SNW1: variants seen among roughly 807,000 people sequenced by gnomAD.
The protein encoded by SNW1 is SNW domain-containing protein 1.
Under a neutral mutation model 75.6 loss-of-function variants are expected in SNW1, and 9 were observed. The ratio of observed to expected loss-of-function variants is 0.12; its 90% confidence interval spans 0.07 to 0.21. The LOEUF (loss-of-function observed/expected upper bound fraction) is 0.21. Among genes scored for constraint, SNW1 ranks in the 10% least tolerant of loss-of-function variants. SNW1 has a pLI of 1.00. For synonymous variants in SNW1, 200 were observed against 219.1 expected, an observed-to-expected ratio of 0.91 and a Z score of 0.77; for missense variants, 409 against 670.9, an observed-to-expected ratio of 0.61 and a Z score of 4.31.
chr14:77,754,832 T>G lies in SNW1; in HGVS notation c.168+135A>C, dbSNP rs996179515. The G allele has an allele frequency of 7.9e-6, 6 of 761,896 alleles. No homozygotes were observed. The Admixed American group carries it at 1.5e-4, about 19-fold the overall frequency. 47.2% of individuals were successfully genotyped at this position (761,896 alleles called of 1,614,324 possible). ...ACATCTTCTGAGGGAAATATACATC[T>G]TGAGAGCACATAACCAGAATTTCTA... is the stretch of plus-strand genomic sequence containing the variant. On this transcript the variant is annotated intron_variant, in intron 2 of 13. Coordinates refer to ENST00000261531, the MANE Select transcript of SNW1 (RefSeq NM_012245.3).
rs145672341 is a variant in SNW1, at chr14:77,737,427, G to A, written c.534-352C>T. ...AAAAACACTCATAATAATCCCAGCA[G>A]GCAACTTACGGTTAGCAGTTTTTGA... On this transcript the variant is annotated intron_variant, in intron 5 of 13. Coordinates refer to ENST00000261531, the MANE Select transcript of SNW1 (RefSeq NM_012245.3). Among the ~76,000 whole-genome samples the A allele has an allele frequency of 2.6e-4, 39 of 152,002 alleles. No individual in the cohort carries two copies. The East Asian group carries it at 7.0e-3, about 27-fold the overall frequency.
chr14:77,757,954 C>CTATT (rs1555389084), intron 1 of SNW1, among the ~76,000 whole-genome samples: 34 of 104,512 alleles, frequency 3.3e-4, no homozygotes, highest in African/African-American at 1.1e-3. Flanking sequence ...ATCTATCTAT[C>CTATT]GCAATCAATC....
chr14:77,741,033 G>T (rs1422353628), intron 3 of SNW1, among the ~76,000 whole-genome samples: 1 of 149,346 alleles, frequency 6.7e-6, no homozygotes, highest in Non-Finnish European at 1.5e-5. Context: ...GGAGACGGAG[G>T]TGACAGTGAG....
intron 3 of SNW1, among the ~76,000 whole-genome samples, chr14:77,747,529 G>A (rs977813513): frequency 2.0e-5 from 3 of 150,482 alleles, no homozygotes; most frequent in African/African-American, 2.5e-5. Context: ...CTGCCCCGCC[G>A]CCCGGTCTGG....
At chr14:77,739,221 T>C (rs541032770) in intron 3 of SNW1, among the ~76,000 whole-genome samples, 160 bp from the exon 4 acceptor site, 29 of 152,204 alleles carry the variant, frequency 1.9e-4, no homozygotes, top group Non-Finnish European at 4.0e-4. Context: ...TTAAAATATA[T>C]AAACAAATTG....
chr14:77,733,531 GC>G (rs2080643805), intron 8 of SNW1, among the ~76,000 whole-genome samples: 1 of 152,000 alleles, frequency 6.6e-6, no homozygotes, highest in Admixed American at 6.6e-5. Flanking sequence ...GATTGCTTGA[GC>G]CCAGGAGTTC....
At chr14:77,725,775 G>A (rs1215645143) in intron 10 of SNW1, among the ~76,000 whole-genome samples, 1 of 152,158 alleles carries the variant, frequency 6.6e-6, no homozygotes, top group Non-Finnish European at 1.5e-5. Context: ...AAATTAGCCA[G>A]GCGTGGTGGT....
At chr14:77,756,220 G>A (rs780817647) in intron 1 of SNW1, among the ~76,000 whole-genome samples, 10 of 151,364 alleles carry the variant, frequency 6.6e-5, no homozygotes, top group Non-Finnish European at 1.3e-4. Context: ...GCCTGGATTC[G>A]TGTGATTCTC....
intron 9 of SNW1, 75 bp from the exon 10 acceptor site, chr14:77,731,204 C>T (rs2080624559): frequency 1.3e-6 from 2 of 1,490,450 alleles, no homozygotes; most frequent in South Asian, 1.2e-5. Context: ...AACTCCCTAA[C>T]ATCTGGCTGG....
intron 11 of SNW1, chr14:77,722,422 G>C (rs1462142029): frequency 2.5e-6 from 1 of 402,160 alleles, no homozygotes; most frequent in Non-Finnish European, 5.0e-6. Context: ...TTTCAAAACT[G>C]CTCTTCTCCT....
At chr14:77,721,081 T>G (rs1325498693) in intron 11 of SNW1, 2 of 447,950 alleles carry the variant, frequency 4.5e-6, no homozygotes, top group Non-Finnish European at 8.1e-6. Context: ...GACATGGAAT[T>G]CTTTAATATA....
chr14:77,740,383 T>G (rs918181309), intron 3 of SNW1, among the ~76,000 whole-genome samples: 4 of 152,082 alleles, frequency 2.6e-5, no homozygotes, highest in Admixed American at 1.3e-4. Flanking sequence ...TTAAAAAAGT[T>G]TAAAGGAAAT....
chr14:77,719,300 C>G (rs1481193074), intron 12 of SNW1, among the ~76,000 whole-genome samples: 3 of 152,148 alleles, frequency 2.0e-5, no homozygotes, highest in Non-Finnish European at 4.4e-5. Context: ...ACCCCTAGAT[C>G]CCTTTGCTCA....
chr14:77,748,309 G>A (rs2080780330), intron 3 of SNW1, among the ~76,000 whole-genome samples: 1 of 152,036 alleles, frequency 6.6e-6, no homozygotes, highest in South Asian at 2.1e-4. Context: ...GAAAACCAGA[G>A]ACCCTTGTTC....
At chr14:77,752,859 T>C (rs2080819000) in intron 2 of SNW1, among the ~76,000 whole-genome samples, 1 of 152,186 alleles carries the variant, frequency 6.6e-6, no homozygotes, top group African/African-American at 2.4e-5. Context: ...AAAGAGATGT[T>C]TGAAGTTTTT....
At chr14:77,731,164 T>C (rs1326853052) in intron 9 of SNW1, 35 bp from the exon 10 acceptor site, 19 of 1,603,792 alleles carry the variant, frequency 1.2e-5, no homozygotes, top group South Asian at 2.2e-5. Flanking sequence ...CAGGACACTA[T>C]CATGGGATAA....
At chr14:77,718,712 TC>T (rs1595070744) in intron 12 of SNW1, among the ~76,000 whole-genome samples, 182 bp from the exon 13 acceptor site, 1 of 151,550 alleles carries the variant, frequency 6.6e-6, no homozygotes, top group Non-Finnish European at 1.5e-5. Context: ...AACTTTGGAT[TC>T]TTTTTTTTTT....
chr14:77,733,224 T>G (rs1328289572), intron 8 of SNW1, among the ~76,000 whole-genome samples: 3 of 151,560 alleles, frequency 2.0e-5, no homozygotes, highest in African/African-American at 7.3e-5. Context: ...GGATTTAAAC[T>G]CAGCAGGATT....
At chr14:77,732,825 G>C (rs986049022) in intron 8 of SNW1, among the ~76,000 whole-genome samples, 15 of 152,062 alleles carry the variant, frequency 9.9e-5, no homozygotes, top group Admixed American at 9.8e-4. Context: ...CCACACACTC[G>C]GCTAGTTTTT....
Sources: gnomAD v4.1 joint callset for allele counts (sites outside exome capture counted in the v4.1 genomes callset) on GRCh38, gnomAD v4.1.1 for gene constraint, MANE v1.5 for transcripts, NCBI Gene and HGNC (gene_info 2026-07-23, HGNC 2026-07-21) for gene names.